The following ABLIM3 variants were observed in gnomAD, a reference collection of about 807,000 sequenced individuals.
The protein encoded by ABLIM3 is actin-binding LIM protein 3.
In ABLIM3, 61 loss-of-function variants were observed where a neutral mutation model predicts 109.5. The ratio of observed to expected loss-of-function variants is 0.56; its 90% CI spans 0.45 to 0.69. ABLIM3 has a LOEUF of 0.69. Ranked by LOEUF, ABLIM3 falls within the 30% of genes least tolerant of loss-of-function variation. ABLIM3 has a pLI of 0.00. For missense variants in ABLIM3, 796 were observed against 889.5 expected, an observed-to-expected ratio of 0.89 and a Z score of 1.34; for synonymous variants, 300 against 324.8, an observed-to-expected ratio of 0.92 and a Z score of 0.82.
At chr5:149,225,561 T>TA (rs1195072546) in intron 8 of ABLIM3, among the ~76,000 whole-genome samples, 2 of 152,228 alleles carry the variant, frequency 1.3e-5, no homozygotes, top group East Asian at 3.8e-4. Flanking sequence ...GAAGATTTTT[T>TA]AAAAAAATTT....
chr5:149,144,523 T>G (rs1330899352), intron 2 of ABLIM3, among the ~76,000 whole-genome samples: 1 of 152,230 alleles, frequency 6.6e-6, no homozygotes, highest in Admixed American at 6.5e-5. Context: ...TTGTCCCTAA[T>G]AGAAACTCTT....
chr5:149,152,932 C>G (rs911536658), intron 2 of ABLIM3, among the ~76,000 whole-genome samples: 7 of 152,048 alleles, frequency 4.6e-5, no homozygotes, highest in South Asian at 2.1e-4. Flanking sequence ...AGGGCAGATT[C>G]TTCCTTATTC....
intron 2 of ABLIM3, among the ~76,000 whole-genome samples, chr5:149,143,232 G>A (rs968737906): frequency 1.3e-5 from 2 of 151,876 alleles, no homozygotes; most frequent in African/African-American, 4.8e-5. Context: ...GTGTGGTGGT[G>A]TGGGCCTGTA....
At chr5:149,257,916 G>A (rs544044198) in intron 23 of ABLIM3, among the ~76,000 whole-genome samples, 33 of 152,088 alleles carry the variant, frequency 2.2e-4, no homozygotes, top group Non-Finnish European at 4.3e-4. Context: ...TTCTCTCAAC[G>A]GGGAGTGGGA....
chr5:149,251,554 A>C, intron 21 of ABLIM3, 135 bp downstream of exon 21: 2 of 944,432 alleles, frequency 2.1e-6, no homozygotes, highest in African/African-American at 1.6e-5. Flanking sequence ...CTGAGTTCTT[A>C]CTCTCTTTCA....
In ABLIM3 at chr5:149,259,052, T is replaced by G. The variant is rs1754690473; in HGVS notation, c.*648T>G. The G allele has an allele frequency of 9.9e-7, 1 of 1,008,968 alleles. No individual in the cohort carries two copies. The highest frequency in any genetic ancestry group is 1.7e-5 in the African/African-American group (1 of 57,664). The allele number at this position is 1,008,968 out of a possible 1,614,324, so 62.5% of individuals were successfully genotyped here. A position where few individuals can be genotyped will look rare whatever the true frequency, so the allele number is the denominator to read the frequency against. On this transcript the variant is annotated 3_prime_UTR_variant, in exon 24 of 24. Transcript: ENST00000309868. ...GCCCTGGATTGTAACCTCTCCCTTG[T>G]CCAAATCTAGGATTCCTGGTAGGAA...
intron 4 of ABLIM3, among the ~76,000 whole-genome samples, chr5:149,200,109 A>G (rs752162054): frequency 6.6e-6 from 1 of 152,342 alleles, no homozygotes; most frequent in East Asian, 1.9e-4. Context: ...CAAAATATAC[A>G]AACAGCCTAA....
chr5:149,202,179 C>G (rs544358105), intron 5 of ABLIM3, among the ~76,000 whole-genome samples: 1 of 152,184 alleles, frequency 6.6e-6, no homozygotes, highest in Non-Finnish European at 1.5e-5. Flanking sequence ...CTATCACCTA[C>G]TCTTTAGGTG....
At position 149,232,458 on chromosome 5, in the gene ABLIM3, C is replaced by T. The variant is rs151281918; in HGVS notation, c.817-771C>T. 2.6e-4 allele frequency among the ~76,000 whole-genome samples: 40 copies of T among 152,288 alleles called. No homozygotes were observed. In the East Asian group the frequency reaches 7.7e-3, roughly 29 times the overall value. The stretch of plus-strand genomic sequence containing the variant: ...TGATTCAGTATTATCAAATGTTCCA[C>T]CTTCATCTTCCCAGAACCACCGCTA... On this transcript the variant is annotated intron_variant, in intron 9 of 23. Transcript: ENST00000309868.
rs1581247850 is a variant in ABLIM3, at chr5:149,251,464, A to T, written c.1849+45A>T. The T allele has an allele frequency of 9.4e-6, 15 of 1,602,378 alleles. 1 individual carries two copies. In the East Asian group the frequency reaches 3.4e-4, roughly 36 times the overall value. On this transcript the variant is annotated intron_variant, in intron 21 of 23. Coordinates refer to ENST00000309868, the MANE Select transcript of ABLIM3 (RefSeq NM_014945.5). Reference sequence around the variant, plus strand: ...GGGTCTGCAGGGAGAGTGCCTCCAGATGTACCACTCAAAACTGCAGCTTGA... The same window carrying T: ...GGGTCTGCAGGGAGAGTGCCTCCAGTTGTACCACTCAAAACTGCAGCTTGA...
intron 1 of ABLIM3, 85 bp from the exon 2 acceptor site, chr5:149,141,923 AC>A: frequency 1.1e-6 from 1 of 950,080 alleles, no homozygotes; most frequent in Non-Finnish European, 1.7e-6. Context: ...GCCAGGGGCT[AC>A]AGCCCAGACA....
chr5:149,204,475 G>T (rs906627504), intron 5 of ABLIM3, among the ~76,000 whole-genome samples: 1 of 152,190 alleles, frequency 6.6e-6, no homozygotes, highest in African/African-American at 2.4e-5. Flanking sequence ...TGGAGGAGCA[G>T]CAGTATAATA....
intron 2 of ABLIM3, among the ~76,000 whole-genome samples, chr5:149,144,899 T>C (rs1268266473): frequency 6.6e-6 from 1 of 152,246 alleles, no homozygotes; most frequent in Non-Finnish European, 1.5e-5. Context: ...TACTAAGTCC[T>C]GCAGTCAGCC....
At position 149,232,737 on chromosome 5, in the gene ABLIM3, T is replaced by C. The variant is rs77288886; in HGVS notation, c.817-492T>C. ...CTCTGCTAAGGAAGCTATTAATCCA[T>C]CATTGCCATTGTTCAGAGACAGTTT... On this transcript the variant is annotated intron_variant, in intron 9 of 23. Transcript: ENST00000309868. Among the ~76,000 whole-genome samples, 1,366 of 152,170 alleles carry C rather than the reference T, an allele frequency of 9.0e-3. 25 individuals carry two copies. The highest frequency in any genetic ancestry group is 0.031 in the African/African-American group (1,305 of 41,510).
intron 2 of ABLIM3, among the ~76,000 whole-genome samples, chr5:149,176,287 C>G (rs564008276): frequency 1.6e-4 from 24 of 152,354 alleles, no homozygotes; most frequent in Admixed American, 1.4e-3. Flanking sequence ...ATTGCTCTTC[C>G]TATTTCCTGG....
At chr5:149,253,534 A>G (rs1334020379) in intron 23 of ABLIM3, among the ~76,000 whole-genome samples, 3 of 152,342 alleles carry the variant, frequency 2.0e-5, no homozygotes, top group Non-Finnish European at 4.4e-5. Context: ...GAAGTGCCCA[A>G]TGAACATTAG....
At chr5:149,225,915 T>C (rs1761138800) in intron 8 of ABLIM3, among the ~76,000 whole-genome samples, 1 of 135,874 alleles carries the variant, frequency 7.4e-6, no homozygotes. Flanking sequence ...TAGTATTCCA[T>C]CATATATACA....
At chr5:149,215,383 CG>C (rs987776775) in intron 7 of ABLIM3, among the ~76,000 whole-genome samples, 12 of 151,874 alleles carry the variant, frequency 7.9e-5, no homozygotes, top group African/African-American at 2.9e-4. Flanking sequence ...TATAAACAAA[CG>C]GGGGGAAAAA....
chr5:149,156,629 A>T (rs928512520), intron 2 of ABLIM3, among the ~76,000 whole-genome samples: 1 of 152,254 alleles, frequency 6.6e-6, no homozygotes, highest in Non-Finnish European at 1.5e-5. Context: ...TATTACATGT[A>T]AGACCCTATG....
Sources: allele counts gnomAD v4.1 joint callset (sites outside exome capture counted in the v4.1 genomes callset), GRCh38; gene constraint gnomAD v4.1.1; transcripts MANE v1.5; gene names NCBI Gene and HGNC (gene_info 2026-07-23, HGNC 2026-07-21).